The following BAIAP2 variants were observed in gnomAD, a reference collection of about 807,000 sequenced individuals.
BAIAP2 encodes the protein BAR/IMD domain-containing adapter protein 2.
BAIAP2 carries 18 observed loss-of-function variants against 63.0 expected under a neutral mutation model. The observed-to-expected ratio is 0.29, with a 90% CI of 0.20 to 0.42. BAIAP2 has a LOEUF of 0.42. Among genes scored for constraint, BAIAP2 ranks in the 10% least tolerant of loss-of-function variants. The pLI is 1.00. For missense variants in BAIAP2, 610 were observed against 734.3 expected (o/e 0.83, Z 1.96); for synonymous variants, 386 against 307.6 (o/e 1.25, Z -2.67).
At chr17:81,044,657 A>G (rs1005384894) in intron 1 of BAIAP2, among the ~76,000 whole-genome samples, 1 of 152,184 alleles carries the variant, frequency 6.6e-6, no homozygotes, top group Non-Finnish European at 1.5e-5. Context: ...TAGCTGCTGG[A>G]GGGGCCGAGT....
intron 4 of BAIAP2, 200 bp downstream of exon 4, chr17:81,085,093 G>A (rs761748945): frequency 2.0e-5 from 12 of 607,402 alleles, no homozygotes; most frequent in Non-Finnish European, 2.9e-5. Flanking sequence ...GACCGCGGCC[G>A]CATGTTTCAC....
chr17:81,116,650 C>T lies in BAIAP2; in HGVS notation c.*811C>T, dbSNP rs1408189714. The T allele has an allele frequency of 1.4e-5, 5 of 359,190 alleles. No homozygotes were observed. The East Asian group carries it at 2.6e-4, about 19-fold the overall frequency. 22.3% of individuals were successfully genotyped at this position (359,190 alleles called of 1,614,324 possible). A position where few individuals can be genotyped will look rare whatever the true frequency, so the allele number is the denominator to read the frequency against. ...GGACTCCTGGGTGGACCTCCCCCCC[C>T]CACCTCCGCTGACTCCTGCAGGCAC... On this transcript the variant is annotated 3_prime_UTR_variant, in exon 14 of 14. Coordinates refer to ENST00000428708, the MANE Select transcript of BAIAP2 (RefSeq NM_001144888.2).
intron 1 of BAIAP2, among the ~76,000 whole-genome samples, chr17:81,052,123 A>ACCCTCACGCCGGGTCCTGCTTTCCCAG (rs2048767515): frequency 4.0e-5 from 6 of 151,532 alleles, no homozygotes; most frequent in African/African-American, 1.2e-4. Context: ...GGCCCCTTCC[A>ACCCTCACGCCGGGTCCTGCTTTCCCAG]CCCTCACGCC....
At chr17:81,103,425 A>T in intron 7 of BAIAP2, 77 bp from the exon 8 acceptor site, 2 of 1,330,824 alleles carry the variant, frequency 1.5e-6, no homozygotes, top group Non-Finnish European at 2.1e-6. Flanking sequence ...GTGCTCAGGG[A>T]GGGCCCTCAG....
chr17:81,109,983 C>T, intron 13 of BAIAP2: 18 of 985,468 alleles, frequency 1.8e-5, no homozygotes, highest in Non-Finnish European at 2.2e-5. Flanking sequence ...CCGGTTCTTC[C>T]TAAACGCTCT....
intron 2 of BAIAP2, among the ~76,000 whole-genome samples, chr17:81,055,846 G>A (rs991498855): frequency 6.6e-6 from 1 of 152,066 alleles, no homozygotes; most frequent in Non-Finnish European, 1.5e-5. Context: ...GATTACAGGG[G>A]TGAGCCACCG....
chr17:81,103,224 G>A (rs1025505604), intron 7 of BAIAP2, among the ~76,000 whole-genome samples: 4 of 152,216 alleles, frequency 2.6e-5, no homozygotes, highest in African/African-American at 9.6e-5. Context: ...CTTCCTCCAG[G>A]CCCTGATGGG....
intron 6 of BAIAP2, among the ~76,000 whole-genome samples, chr17:81,098,525 G>T (rs2058026723): frequency 6.6e-6 from 1 of 152,236 alleles, no homozygotes; most frequent in Non-Finnish European, 1.5e-5. Context: ...TCATGGGGTT[G>T]TGCGATCACC....
intron 13 of BAIAP2, among the ~76,000 whole-genome samples, chr17:81,114,120 C>T (rs900155969): frequency 6.6e-6 from 1 of 150,696 alleles, no homozygotes; most frequent in African/African-American, 2.5e-5. Flanking sequence ...ATGCACCACT[C>T]TCCCGCACCT....
chr17:81,107,271 G>T (rs964737628), intron 12 of BAIAP2: 2 of 231,946 alleles, frequency 8.6e-6, no homozygotes, highest in South Asian at 1.2e-4. Flanking sequence ...GGAGAGCCAG[G>T]GGGGCAGGAT....
intron 6 of BAIAP2, among the ~76,000 whole-genome samples, chr17:81,090,255 G>C (rs2056478201): frequency 1.3e-5 from 2 of 152,186 alleles, no homozygotes; most frequent in African/African-American, 4.8e-5. Flanking sequence ...GAATATCCTG[G>C]CTTTCTCCCT....
chr17:81,042,350 C>T (rs2047202820), intron 1 of BAIAP2, among the ~76,000 whole-genome samples: 1 of 151,118 alleles, frequency 6.6e-6, no homozygotes, highest in Non-Finnish European at 1.5e-5. Context: ...GAGATGAGGT[C>T]TTGCTATGTT....
chr17:81,050,718 CGCACACAAATGTGCACAT>C (rs1486117071), intron 1 of BAIAP2, among the ~76,000 whole-genome samples: 2 of 80,530 alleles, frequency 2.5e-5, no homozygotes, highest in African/African-American at 8.3e-5. Flanking sequence ...AGCACACACA[CGCACACAAATGTGCACAT>C]GCACACGTGG....
rs181459903 is a variant in BAIAP2 at position 81,104,187 on chromosome 17, A to G, written c.1066+79A>G. On this transcript the variant is annotated intron_variant, in intron 9 of 13. Transcript: ENST00000428708. ...CCCTACAGTCATGCCACAACCCTCA[A>G]TAGGGGCCTGGGAGACCCTGAGGCT... is the stretch of plus-strand genomic sequence containing the variant. The G allele has an allele frequency of 1.8e-3, 2,580 of 1,455,920 alleles. 5 individuals are homozygous for G. Among genetic ancestry groups the G allele is most frequent in the Non-Finnish European group, 2.3e-3 (2,404 of 1,051,080 alleles). 90.2% of individuals were successfully genotyped at this position (1,455,920 alleles called of 1,614,324 possible).
At chr17:81,067,537 T>TG (rs1420785028) in intron 3 of BAIAP2, among the ~76,000 whole-genome samples, 1 of 151,958 alleles carries the variant, frequency 6.6e-6, no homozygotes, top group Non-Finnish European at 1.5e-5. Context: ...TTGGCCGTGT[T>TG]GCAGCCGCGG....
At position 81,035,163 on chromosome 17, in the gene BAIAP2, C is replaced by T. The variant is rs1044014508; in HGVS notation, c.-92C>T. ...GACGCCGGGCTCTGTGGTTCGGGTC[C>T]GCTTTCGTCTCCGTCCTGCTGCCGT... On this transcript the variant is annotated 5_prime_UTR_variant, in exon 1 of 14. Coordinates refer to ENST00000428708, the MANE Select transcript of BAIAP2 (RefSeq NM_001144888.2). The T allele has an allele frequency of 6.4e-5, 70 of 1,095,180 alleles. No homozygotes were observed. In the Middle Eastern group the frequency reaches 1.4e-3, roughly 22 times the overall value. 67.8% of individuals were successfully genotyped at this position (1,095,180 alleles called of 1,614,324 possible).
At chr17:81,089,372 C>T (rs9908428) in intron 6 of BAIAP2, among the ~76,000 whole-genome samples, 34,034 of 152,194 alleles carry the variant, frequency 0.22, 4,007 homozygotes, top group Non-Finnish European at 0.25. Context: ...CTGGACCTGG[C>T]GGTGACTCGA....
chr17:81,090,407 G>A (rs952259113), intron 6 of BAIAP2, among the ~76,000 whole-genome samples: 1 of 151,890 alleles, frequency 6.6e-6, no homozygotes, highest in Admixed American at 6.5e-5. Flanking sequence ...AATGGGAGAC[G>A]GGGCTTCAAC....
At chr17:81,081,003 C>T (rs1244220366) in intron 3 of BAIAP2, among the ~76,000 whole-genome samples, 2 of 152,210 alleles carry the variant, frequency 1.3e-5, no homozygotes, top group South Asian at 4.1e-4. Flanking sequence ...GTGGACACTC[C>T]GGGGCTGAGG....
Sources: gnomAD v4.1 joint callset for allele counts (sites outside exome capture counted in the v4.1 genomes callset) on GRCh38, gnomAD v4.1.1 for gene constraint, MANE v1.5 for transcripts, NCBI Gene and HGNC (gene_info 2026-07-23, HGNC 2026-07-21) for gene names.